The following FN1 variants were observed in gnomAD, a reference collection of about 807,000 sequenced individuals.
FN1 encodes fibronectin.
In FN1, 106 loss-of-function variants were observed where a neutral mutation model predicts 297.3. That is an observed-to-expected ratio of 0.36 (90% CI 0.30 to 0.42). FN1 has a LOEUF of 0.42. Among genes scored for constraint, FN1 ranks in the 10% least tolerant of loss-of-function variants. The pLI, the probability that FN1 is intolerant of heterozygous loss-of-function variation, is 1.00. For synonymous variants in FN1, 1,149 were observed against 1,152.6 expected (o/e 1.00, Z 0.06); for missense variants, 2,690 against 3,124.9 (o/e 0.86, Z 3.32).
chr2:215,376,459 T>C, intron 36 of FN1, 39 bp downstream of exon 36: 1 of 1,582,306 alleles, frequency 6.3e-7, no homozygotes, highest in Non-Finnish European at 8.7e-7. Context: ...ATTGTGGGTA[T>C]TTGTTAACAA....
chr2:215,386,348 A>T (rs2058982552), intron 28 of FN1, among the ~76,000 whole-genome samples: 1 of 152,024 alleles, frequency 6.6e-6, no homozygotes, highest in African/African-American at 2.4e-5. Context: ...AAGTGCTGAG[A>T]TTACTGACGT....
intron 20 of FN1, among the ~76,000 whole-genome samples, chr2:215,400,573 G>T (rs1044980621): frequency 6.6e-6 from 1 of 151,652 alleles, no homozygotes; most frequent in African/African-American, 2.4e-5. Flanking sequence ...CCAACATGGT[G>T]AAACCTTGTC....
chr2:215,367,857 A>G lies in FN1; in HGVS notation c.7018+6T>C. ...ACGGAAGTGGATGGACAAAGCAACT[A>G]CTCACTAGATGAATCACATCTGAAA... is the stretch of plus-strand genomic sequence containing the variant. On this transcript the variant is annotated splice_donor_region_variant and intron_variant, in intron 42 of 45. Transcript: ENST00000354785. 1 of 1,613,830 alleles carries G rather than the reference A, an allele frequency of 6.2e-7. No individual in the cohort carries two copies. Among genetic ancestry groups the G allele is most frequent in the Non-Finnish European group, 8.5e-7 (1 of 1,179,762 alleles).
chr2:215,384,616 A>G, intron 29 of FN1: 1 of 453,338 alleles, frequency 2.2e-6, no homozygotes, highest in Non-Finnish European at 4.0e-6. Flanking sequence ...TTGTGAATTT[A>G]CAATCCTTTT....
chr2:215,387,821 T>A (rs2059215903), intron 27 of FN1, among the ~76,000 whole-genome samples: 1 of 152,346 alleles, frequency 6.6e-6, no homozygotes, highest in South Asian at 2.1e-4. Context: ...AGTAAATGCA[T>A]ATTTTATTAA....
chr2:215,406,212 G>A (rs755176114), intron 19 of FN1, 26 bp downstream of exon 19: 93 of 1,611,478 alleles, frequency 5.8e-5, no homozygotes, highest in Non-Finnish European at 7.1e-5. Flanking sequence ...AATTTGGAGG[G>A]GAGATAGAGA....
chr2:215,435,601 G>C (rs2067336182), intron 1 of FN1, 54 bp downstream of exon 1: 1 of 1,609,376 alleles, frequency 6.2e-7, no homozygotes, highest in East Asian at 2.2e-5. Context: ...ACTTTGGTCG[G>C]CTTTAGGGTC....
chr2:215,394,239 C>T (rs2060043405), intron 24 of FN1, among the ~76,000 whole-genome samples: 1 of 152,174 alleles, frequency 6.6e-6, no homozygotes, highest in South Asian at 2.1e-4. Flanking sequence ...GTGTTTTAGT[C>T]ATACTTCCAT....
rs1058361 is a variant in FN1, at chr2:215,372,039, C to T, written c.6584G>A (p.Gly2195Glu). The change falls in exon 40 of 46, where the codon GGA (glycine) becomes GAA (glutamate). Residue 2195 changes from glycine (G) to glutamate (E), a missense_variant. Transcript: ENST00000354785. Reference protein sequence around the residue: ...VDYHLYPHGPGLNPNASTGQE... With the variant: ...VDYHLYPHGPELNPNASTGQE... ...TCCTGTAGAGGCATTTGGATTGAGTCCCGGACCGTGTGGGTACAGGTGATA... is the reference window on the plus strand; with the variant it reads ...TCCTGTAGAGGCATTTGGATTGAGTTCCGGACCGTGTGGGTACAGGTGATA... 9.3e-6 allele frequency: 15 copies of T among 1,614,162 alleles called. No individual in the cohort carries two copies. In the East Asian group the frequency reaches 3.1e-4, roughly 34 times the overall value.
intron 35 of FN1, among the ~76,000 whole-genome samples, chr2:215,377,551 G>A (rs1231972715): frequency 6.6e-6 from 1 of 152,124 alleles, no homozygotes; most frequent in Non-Finnish European, 1.5e-5. Context: ...CCATGAGTAA[G>A]CTTCCCAAGG....
At chr2:215,392,189 G>A (rs1303601618) in intron 25 of FN1, 1 of 242,336 alleles carries the variant, frequency 4.1e-6, no homozygotes, top group Non-Finnish European at 8.1e-6. Context: ...AGAAATACAT[G>A]CACACAGACA....
In FN1 at chr2:215,435,720, T is replaced by A. The variant is rs755033474; in HGVS notation, c.83A>T (p.Lys28Met). ...GTAVPSTGAS[K>M]SKRQAQQMVQ... ...CATTTGCTGAGCCTGCCTCTTGCTCTTCGAGGCTCCCGTGGAGGGCACCGC... is the reference window on the plus strand; with the variant it reads ...CATTTGCTGAGCCTGCCTCTTGCTCATCGAGGCTCCCGTGGAGGGCACCGC... The change falls in exon 1 of 46, where the codon AAG becomes ATG. Residue 28 changes from lysine to methionine, a missense_variant. Lys to Met is a moderately conservative substitution (Grantham distance 95, BLOSUM62 -1). Around this residue, in one of 3 missense-constraint regions of FN1, gnomAD observed 876 missense variants for 1,058.1 expected, o/e 0.83. Transcript: ENST00000354785. 2 of 1,611,452 alleles carry A rather than the reference T, an allele frequency of 1.2e-6. No homozygotes were observed. The highest frequency in any genetic ancestry group is 4.5e-5 in the East Asian group (2 of 44,834).
rs2066342101 is a variant in FN1, at chr2:215,430,622, G to C, written c.685+93C>G. 7 of 1,423,984 alleles carry C rather than the reference G, an allele frequency of 4.9e-6. No individual in the cohort carries two copies. In the Admixed American group the frequency reaches 8.7e-5, roughly 18 times the overall value. The allele number at this position is 1,423,984 out of a possible 1,614,324, so 88.2% of individuals were successfully genotyped here. ...GTTACCAAAGCATGCTGATATACTG[G>C]ATGTGTTCTGAGTAACATAGTATTA... On this transcript the variant is annotated intron_variant, in intron 5 of 45. Transcript: ENST00000354785.
chr2:215,429,352 C>A lies in FN1; in HGVS notation c.686-1014G>T, dbSNP rs556028685. The stretch of plus-strand genomic sequence containing the variant: ...GTAACTAAATGACCATTAGTCTATG[C>A]GTGCATTTATCTGGTAAATAGATTA... On this transcript the variant is annotated intron_variant, in intron 5 of 45. Coordinates refer to ENST00000354785, the MANE Select transcript of FN1 (RefSeq NM_212482.4). Among the ~76,000 whole-genome samples, 3 of 152,222 alleles carry A rather than the reference C, an allele frequency of 2.0e-5. No individual in the cohort carries two copies. In the East Asian group the frequency reaches 5.8e-4, roughly 29 times the overall value.
At chr2:215,381,973 G>A (rs1159676986) in intron 32 of FN1, 1 of 479,758 alleles carries the variant, frequency 2.1e-6, no homozygotes, top group Non-Finnish European at 3.8e-6. Context: ...GGCCATTTGA[G>A]CAAAAGAAAT....
chr2:215,408,336 C>G lies in FN1; in HGVS notation c.2390G>C (p.Gly797Ala). 6.2e-7 allele frequency: 1 copy of G among 1,614,090 alleles called. No homozygotes were observed. Among genetic ancestry groups the G allele is most frequent in the Non-Finnish European group, 8.5e-7 (1 of 1,179,968 alleles). ...IVNVYQISED[G>A]EQSLILSTSQ... ...AGTAGACAGGATCAAACTCTGCTCC[C>G]CATCCTCAGATATCTGATAGACATT... The change falls in exon 16 of 46, where the codon GGG (glycine) becomes GCG (alanine). Residue 797 changes from glycine to alanine, a missense_variant. By Grantham distance (60) the Gly-to-Ala change is moderately conservative. This residue lies in a region of FN1 where 876 missense variants were observed against 1,058.1 expected (regional missense o/e 0.83). Transcript: ENST00000354785.
At chr2:215,375,164 A>C (rs1403578533) in intron 38 of FN1, 50 bp downstream of exon 38, 1 of 1,561,024 alleles carries the variant, frequency 6.4e-7, no homozygotes, top group Non-Finnish European at 8.8e-7. Flanking sequence ...TAAGGACTTC[A>C]TGTGTCCTAG....
intron 6 of FN1, among the ~76,000 whole-genome samples, chr2:215,426,860 A>T (rs1043227018): frequency 6.6e-6 from 1 of 151,552 alleles, no homozygotes; most frequent in Non-Finnish European, 1.5e-5. Flanking sequence ...GACATTTATA[A>T]TTTTTTTTAT....
chr2:215,393,023 G>A lies in FN1; in HGVS notation c.3977C>T (p.Thr1326Ile). The A allele has an allele frequency of 1.9e-6, 3 of 1,614,010 alleles. No individual in the cohort carries two copies. The highest frequency in any genetic ancestry group is 1.7e-6 in the Non-Finnish European group (2 of 1,179,992). ...VDSSVGYYTV[T>I]GLEPGIDYDI... Reference sequence around the variant, plus strand: ...ATAGTCAATGCCCGGCTCCAGCCCTGTGACTGTGTAGTATCCTACTGAGGA... The same window carrying A: ...ATAGTCAATGCCCGGCTCCAGCCCTATGACTGTGTAGTATCCTACTGAGGA... Residue 1326 changes from threonine (T) to isoleucine (I), a missense_variant, in exon 25 of 46, where the codon ACA (threonine) becomes ATA (isoleucine). Transcript: ENST00000354785.
Sources: gnomAD v4.1 joint callset for allele counts (sites outside exome capture counted in the v4.1 genomes callset) on GRCh38, gnomAD v4.1.1 for gene constraint, gnomAD v4.1.1 regional missense constraint, MANE v1.5 for transcripts, NCBI Gene and HGNC (gene_info 2026-07-23, HGNC 2026-07-21) for gene names.